The following SEMA3A variants were observed in gnomAD, a reference collection of about 807,000 sequenced individuals.
SEMA3A encodes semaphorin 3A, also known as semaphorin-3A.
In SEMA3A, 29 loss-of-function variants were observed where a neutral mutation model predicts 97.9. The ratio of observed to expected loss-of-function variants is 0.30; its 90% CI spans 0.22 to 0.40. SEMA3A has a LOEUF of 0.40. Among genes scored for constraint, SEMA3A ranks in the 10% least tolerant of loss-of-function variants. The probability of loss-of-function intolerance (pLI) is 1.00; values close to 1 mark genes in which losing one functional copy is unlikely to be tolerated. For synonymous variants in SEMA3A, 321 were observed against 323.7 expected, an observed-to-expected ratio of 0.99 and a Z score of 0.09; for missense variants, 763 against 951.3, an observed-to-expected ratio of 0.80 and a Z score of 2.60.
intron 3 of SEMA3A, among the ~76,000 whole-genome samples, chr7:84,259,561 T>A (rs970938300): frequency 1.3e-5 from 2 of 151,878 alleles, no homozygotes; most frequent in Admixed American, 6.6e-5. Context: ...AACATGAAAA[T>A]AAATAATTAT....
At chr7:84,477,883 G>C (rs1806339506) in intron 1 of SEMA3A, among the ~76,000 whole-genome samples, 1 of 152,126 alleles carries the variant, frequency 6.6e-6, no homozygotes, top group Non-Finnish European at 1.5e-5. Context: ...GGTCAATGTT[G>C]GCATTTGATT....
chr7:84,086,164 C>T (rs1165877751), intron 4 of SEMA3A, among the ~76,000 whole-genome samples: 1 of 152,014 alleles, frequency 6.6e-6, no homozygotes, highest in Non-Finnish European at 1.5e-5. Context: ...GTGGCTACTA[C>T]AATCACTACT....
intron 3 of SEMA3A, among the ~76,000 whole-genome samples, chr7:84,271,918 C>T (rs756487221): frequency 6.6e-6 from 1 of 152,020 alleles, no homozygotes; most frequent in Non-Finnish European, 1.5e-5. Flanking sequence ...TAAAATAATA[C>T]TTTATACTTC....
intron 4 of SEMA3A, among the ~76,000 whole-genome samples, chr7:84,069,312 GA>G (rs1424143284): frequency 6.6e-6 from 1 of 152,074 alleles, no homozygotes; most frequent in Non-Finnish European, 1.5e-5. Context: ...GTAATAAGCA[GA>G]TAAGAAAATC....
intron 15 of SEMA3A, among the ~76,000 whole-genome samples, chr7:83,968,560 G>A (rs1289358016): frequency 6.6e-6 from 1 of 152,074 alleles, no homozygotes; most frequent in East Asian, 1.9e-4. Flanking sequence ...AAAAAAAGCA[G>A]TTAGACAAAT....
chr7:84,229,390 C>A (rs918141290), intron 3 of SEMA3A, among the ~76,000 whole-genome samples: 4 of 152,134 alleles, frequency 2.6e-5, no homozygotes, highest in African/African-American at 9.7e-5. Context: ...TTACTAGAAT[C>A]TCATAGATAA....
At chr7:84,267,789 T>C (rs957040999) in intron 3 of SEMA3A, among the ~76,000 whole-genome samples, 4 of 152,132 alleles carry the variant, frequency 2.6e-5, no homozygotes, top group Non-Finnish European at 5.9e-5. Context: ...CATAGACTAC[T>C]TAACCAAATT....
chr7:84,214,489 G>C (rs1031152234), intron 3 of SEMA3A, among the ~76,000 whole-genome samples: 8 of 152,066 alleles, frequency 5.3e-5, no homozygotes, highest in African/African-American at 9.7e-5. Flanking sequence ...CACAAAACAT[G>C]ATGAGGAAAC....
chr7:84,424,906 CATAAAT>C (rs1562943099), intron 1 of SEMA3A, among the ~76,000 whole-genome samples: 1 of 54,916 alleles, frequency 1.8e-5, no homozygotes, highest in Non-Finnish European at 2.8e-5. Flanking sequence ...TTTATATAAA[CATAAAT>C]ATATATATAT....
intron 1 of SEMA3A, among the ~76,000 whole-genome samples, chr7:84,436,059 C>G (rs1262465775): frequency 6.6e-6 from 1 of 152,054 alleles, no homozygotes; most frequent in East Asian, 1.9e-4. Flanking sequence ...TCAAAAAAGT[C>G]AACAAAAATA....
chr7:84,289,750 A>C (rs1321895416), intron 3 of SEMA3A, among the ~76,000 whole-genome samples: 1 of 152,158 alleles, frequency 6.6e-6, no homozygotes, highest in African/African-American at 2.4e-5. Flanking sequence ...TTACCATGTG[A>C]TCTAGCAATT....
intron 5 of SEMA3A, among the ~76,000 whole-genome samples, chr7:84,055,465 T>C (rs1037647690): frequency 5.3e-5 from 8 of 152,056 alleles, no homozygotes; most frequent in Non-Finnish European, 7.4e-5. Context: ...TGACCCGATT[T>C]TCCAGGTGCC....
chr7:84,188,927 A>AT (rs1021434621), intron 1 of SEMA3A, among the ~76,000 whole-genome samples: 2 of 151,724 alleles, frequency 1.3e-5, no homozygotes, highest in African/African-American at 4.8e-5. Context: ...TATTATGCCA[A>AT]TTTTTCCAAA....
chr7:84,404,857 CA>C (rs1369504289), intron 1 of SEMA3A, among the ~76,000 whole-genome samples: 4 of 152,090 alleles, frequency 2.6e-5, no homozygotes, highest in African/African-American at 9.7e-5. Context: ...GAGATTTTGT[CA>C]CCACCAGGCC....
At chr7:84,063,709 A>T (rs1793353830) in intron 4 of SEMA3A, among the ~76,000 whole-genome samples, 1 of 150,834 alleles carries the variant, frequency 6.6e-6, no homozygotes, top group Non-Finnish European at 1.5e-5. Context: ...CGAGAAGGGA[A>T]GTTTAGAGAA....
At chr7:84,081,468 T>C (rs1188213144) in intron 4 of SEMA3A, among the ~76,000 whole-genome samples, 9 of 151,692 alleles carry the variant, frequency 5.9e-5, no homozygotes, top group African/African-American at 1.2e-4. Flanking sequence ...TGGTGGGTGC[T>C]TATAGTCCCA....
chr7:84,403,831 G>A (rs980449729), intron 1 of SEMA3A, among the ~76,000 whole-genome samples: 3 of 152,156 alleles, frequency 2.0e-5, no homozygotes, highest in African/African-American at 7.2e-5. Context: ...GCAGCTGAGG[G>A]TCCTGACTGT....
chr7:83,977,996 G>A (rs1789233625), intron 14 of SEMA3A, among the ~76,000 whole-genome samples: 1 of 151,686 alleles, frequency 6.6e-6, no homozygotes, highest in East Asian at 1.9e-4. Flanking sequence ...ATAGAGACGG[G>A]ATTTCACCGT....
intron 3 of SEMA3A, among the ~76,000 whole-genome samples, chr7:84,271,662 A>G (rs1337549502): frequency 6.6e-6 from 1 of 152,072 alleles, no homozygotes; most frequent in Non-Finnish European, 1.5e-5. Context: ...ATCCTAAGCA[A>G]TCTTACATAA....
Sources: allele counts gnomAD v4.1 joint callset (sites outside exome capture counted in the v4.1 genomes callset), GRCh38; gene constraint gnomAD v4.1.1; transcripts MANE v1.5; gene names NCBI Gene and HGNC (gene_info 2026-07-23, HGNC 2026-07-21).